POMT2: variants seen among roughly 807,000 people sequenced by gnomAD.
The protein encoded by POMT2 is protein O-mannosyl-transferase 2.
POMT2 carries 75 observed loss-of-function variants against 100.0 expected under a neutral mutation model. That is an observed-to-expected ratio of 0.75 (90% CI 0.62 to 0.91). The LOEUF (loss-of-function observed/expected upper bound fraction) is 0.91, where lower values mean the gene tolerates loss of function less well. Among genes scored for constraint, POMT2 ranks in the 40% least tolerant of loss-of-function variants. The pLI, the probability that POMT2 is intolerant of heterozygous loss-of-function variation, is 0.00. For synonymous variants in POMT2, 378 were observed against 374.1 expected (o/e 1.01, Z -0.12); for missense variants, 940 against 955.1 (o/e 0.98, Z 0.21).
intron 2 of POMT2, among the ~76,000 whole-genome samples, chr14:77,309,180 A>G (rs1891348474): frequency 6.6e-6 from 1 of 152,258 alleles, no homozygotes; most frequent in South Asian, 2.1e-4. Flanking sequence ...TATTTGTATA[A>G]AAGAATTCCT....
intron 5 of POMT2, 68 bp from the exon 6 acceptor site, chr14:77,301,317 G>A (rs974445282): frequency 3.2e-5 from 50 of 1,586,400 alleles, no homozygotes; most frequent in Non-Finnish European, 4.0e-5. Context: ...CGCAGCAGGG[G>A]ACAGGGCAGT....
chr14:77,299,181 C>G (rs2139472406), intron 7 of POMT2, among the ~76,000 whole-genome samples: 1 of 152,316 alleles, frequency 6.6e-6, no homozygotes, highest in South Asian at 2.1e-4. Context: ...TTATTGTGGC[C>G]TATCCTTGCT....
intron 9 of POMT2, 63 bp downstream of exon 9, chr14:77,296,101 A>C: frequency 3.2e-6 from 4 of 1,260,690 alleles, no homozygotes; most frequent in Non-Finnish European, 4.5e-6. Flanking sequence ...ATAGGAGGCA[A>C]GAGAGTGAAC....
chr14:77,318,326 A>G (rs1174533589), intron 1 of POMT2, among the ~76,000 whole-genome samples: 1 of 152,164 alleles, frequency 6.6e-6, no homozygotes, highest in African/African-American at 2.4e-5. Context: ...AGGTCAGTAT[A>G]AAAAAGAAAA....
intron 9 of POMT2, among the ~76,000 whole-genome samples, chr14:77,291,807 C>A (rs531761999): frequency 1.2e-4 from 19 of 152,234 alleles, no homozygotes; most frequent in African/African-American, 3.6e-4. Flanking sequence ...CCAGAGTGGG[C>A]GGATCACCTG....
At chr14:77,317,149 C>T (rs1891663542) in intron 1 of POMT2, among the ~76,000 whole-genome samples, 1 of 152,220 alleles carries the variant, frequency 6.6e-6, no homozygotes, top group Non-Finnish European at 1.5e-5. Context: ...CACTGCGTGC[C>T]AGACTTGTGA....
rs368108828 is a variant in POMT2, at chr14:77,278,721, G to A, written c.2032+8C>T. On this transcript the variant is annotated splice_region_variant and intron_variant, in intron 19 of 20. Coordinates refer to ENST00000261534, the MANE Select transcript of POMT2 (RefSeq NM_013382.7). ...TCTGTCTCCCAAGTCCAGGTGGGTG[G>A]CACTGACCTGTCAACATGCTTGAGA... 3 of 1,613,732 alleles carry A rather than the reference G, an allele frequency of 1.9e-6. No homozygotes were observed. In the African/African-American group the frequency reaches 4.0e-5, roughly 22 times the overall value.
intron 8 of POMT2, among the ~76,000 whole-genome samples, chr14:77,297,742 T>C (rs76810870): frequency 0.024 from 3,698 of 152,266 alleles, 149 homozygotes; most frequent in African/African-American, 0.084. Context: ...AGATCTCCCT[T>C]GTATATGCCC....
intron 8 of POMT2, 130 bp downstream of exon 8, chr14:77,298,555 GATCT>G (rs1414755968): frequency 3.3e-6 from 3 of 913,762 alleles, no homozygotes; most frequent in Non-Finnish European, 5.3e-6. Flanking sequence ...ATTTTCACCA[GATCT>G]ATCTGGGTCT....
intron 9 of POMT2, 42 bp from the exon 10 acceptor site, chr14:77,291,422 G>T: frequency 8.1e-7 from 1 of 1,233,486 alleles, no homozygotes. Flanking sequence ...AAGCAGGAGG[G>T]AGAATACCAT....
chr14:77,310,652 T>C (rs912007555), intron 2 of POMT2, among the ~76,000 whole-genome samples: 1 of 152,148 alleles, frequency 6.6e-6, no homozygotes, highest in African/African-American at 2.4e-5. Context: ...TTACACTCCC[T>C]GCCTCCTCCT....
At chr14:77,291,781 C>T (rs1566650953) in intron 9 of POMT2, among the ~76,000 whole-genome samples, 2 of 152,146 alleles carry the variant, frequency 1.3e-5, no homozygotes, top group South Asian at 4.1e-4. Context: ...GCCTGTAATC[C>T]CAGCACTTTG....
intron 1 of POMT2, among the ~76,000 whole-genome samples, chr14:77,313,683 TTTTTGTTTTG>T (rs374399507): frequency 3.3e-5 from 5 of 152,130 alleles, no homozygotes; most frequent in Admixed American, 6.5e-5. Flanking sequence ...GATTCCAGTT[TTTTTGTTTTG>T]TTTTGTTTTG....
intron 9 of POMT2, among the ~76,000 whole-genome samples, chr14:77,292,075 G>A (rs796139717): frequency 5.9e-5 from 9 of 152,098 alleles, no homozygotes; most frequent in African/African-American, 2.2e-4. Context: ...CTTTCTAAAT[G>A]AAAAATTCAT....
chr14:77,305,635 A>G (rs1429931820), intron 3 of POMT2, among the ~76,000 whole-genome samples: 2 of 152,222 alleles, frequency 1.3e-5, no homozygotes, highest in Non-Finnish European at 2.9e-5. Context: ...TGAAATCCTC[A>G]AGGAAAGGGG....
intron 8 of POMT2, among the ~76,000 whole-genome samples, chr14:77,297,733 G>C (rs1890881236): frequency 6.6e-6 from 1 of 152,150 alleles, no homozygotes; most frequent in Non-Finnish European, 1.5e-5. Context: ...GCTGTGTCCA[G>C]ATCTCCCTTG....
chr14:77,283,853 C>T lies in POMT2; in HGVS notation c.1597G>A (p.Val533Met). 1.2e-6 allele frequency: 2 copies of T among 1,612,886 alleles called. No individual in the cohort carries two copies. The highest frequency in any genetic ancestry group is 1.7e-6 in the Non-Finnish European group (2 of 1,178,852). Reference protein sequence around the residue: ...NPKLPNISLDVLQPSFPEILL... With the variant: ...NPKLPNISLDMLQPSFPEILL... ...ATCTCAGGAAAACTGGGCTGTAGCA[C>T]ATCCAGGCTGATGTTTGGCACTAGG... Residue 533 changes from valine (V) to methionine (M), a missense_variant, in exon 15 of 21, where the codon GTG becomes ATG. By Grantham distance (21) the Val-to-Met change is conservative. Transcript: ENST00000261534.
intron 8 of POMT2, among the ~76,000 whole-genome samples, chr14:77,298,360 C>T (rs1244628599): frequency 1.3e-5 from 2 of 152,226 alleles, no homozygotes; most frequent in African/African-American, 4.8e-5. Context: ...GAATGCAACA[C>T]TCAGAAAGCG....
At chr14:77,302,484 G>C (rs2139485125) in intron 5 of POMT2, among the ~76,000 whole-genome samples, 1 of 152,246 alleles carries the variant, frequency 6.6e-6, no homozygotes, top group South Asian at 2.1e-4. Flanking sequence ...ACCAGCACTG[G>C]TTACAAGAGG....
Sources: gnomAD v4.1 joint callset for allele counts (sites outside exome capture counted in the v4.1 genomes callset) on GRCh38, gnomAD v4.1.1 for gene constraint, MANE v1.5 for transcripts, NCBI Gene and HGNC (gene_info 2026-07-23, HGNC 2026-07-21) for gene names.